Variants in PEPD observed in about 807,000 individuals in gnomAD.
PEPD encodes xaa-Pro dipeptidase.
Under a neutral mutation model 60.7 loss-of-function variants are expected in PEPD, and 53 were observed. That is an observed-to-expected ratio of 0.87 (90% CI 0.70 to 1.10). The LOEUF (loss-of-function observed/expected upper bound fraction) is 1.10, where lower values mean the gene tolerates loss of function less well. Ranked by LOEUF, PEPD falls within the 50% of genes least tolerant of loss-of-function variation. PEPD has a pLI of 0.00. For synonymous variants in PEPD, 267 were observed against 284.1 expected (o/e 0.94, Z 0.60); for missense variants, 711 against 711.9 (o/e 1.00, Z 0.01).
In PEPD at chr19:33,440,808, GTC is replaced by G. The variant is rs1969467494; in HGVS notation, c.671+22185_671+22186del. ...TCACAGATGGGATTCCTTCTGTTGTGTCTCCCCAGCTCCTAGAAGAGTGCCTG... is the reference window on the plus strand; with the variant it reads ...TCACAGATGGGATTCCTTCTGTTGTGTCCCCAGCTCCTAGAAGAGTGCCTG... On this transcript the variant is annotated intron_variant, in intron 9 of 14. Transcript: ENST00000244137. Among the ~76,000 whole-genome samples, 3 of 152,160 alleles carry G rather than the reference GTC, an allele frequency of 2.0e-5. No individual in the cohort carries two copies. In the South Asian group the frequency reaches 6.2e-4, roughly 32 times the overall value.
At chr19:33,469,616 C>T (rs902959323) in intron 7 of PEPD, among the ~76,000 whole-genome samples, 17 of 152,218 alleles carry the variant, frequency 1.1e-4, no homozygotes, top group Admixed American at 2.6e-4. Flanking sequence ...CAAGCTCACA[C>T]GCCCACCTGG....
At chr19:33,454,662 A>T (rs1203707821) in intron 9 of PEPD, among the ~76,000 whole-genome samples, 1 of 152,210 alleles carries the variant, frequency 6.6e-6, no homozygotes, top group Non-Finnish European at 1.5e-5. Flanking sequence ...AAGGTTGAAC[A>T]AATAAATAAA....
In PEPD at chr19:33,409,099, G is replaced by A. The variant is rs143093597; in HGVS notation, c.818+2573C>T. Among the ~76,000 whole-genome samples the A allele has an allele frequency of 2.4e-3, 366 of 152,342 alleles. 5 individuals are homozygous for A. The highest frequency in any genetic ancestry group is 7.9e-3 in the African/African-American group (328 of 41,580). ...AGATGCAGGTGCCATGTGCTGTCCC[G>A]GAGGGCCGAGGCCACAGCATCTGGG... On this transcript the variant is annotated intron_variant, in intron 11 of 14. Transcript: ENST00000244137.
intron 9 of PEPD, among the ~76,000 whole-genome samples, chr19:33,435,640 A>G (rs929406779): frequency 2.0e-5 from 3 of 152,200 alleles, no homozygotes; most frequent in South Asian, 2.1e-4. Flanking sequence ...CTGCGCTTGT[A>G]AAGTGGGAGT....
intron 9 of PEPD, among the ~76,000 whole-genome samples, chr19:33,432,067 A>C (rs1315088136): frequency 6.6e-6 from 1 of 151,540 alleles, no homozygotes. Flanking sequence ...GCTGAAGCTA[A>C]GAAGTCTTCC....
intron 11 of PEPD, among the ~76,000 whole-genome samples, chr19:33,405,392 C>T (rs751246166): frequency 6.6e-5 from 10 of 152,244 alleles, no homozygotes; most frequent in African/African-American, 2.2e-4. Context: ...AGTAGTGGCA[C>T]GGCTCTTAGC....
chr19:33,434,694 C>T (rs1453808359), intron 9 of PEPD, among the ~76,000 whole-genome samples: 1 of 152,148 alleles, frequency 6.6e-6, no homozygotes, highest in Non-Finnish European at 1.5e-5. Context: ...ACCCCATTTA[C>T]TGGGTGGGGA....
intron 9 of PEPD, among the ~76,000 whole-genome samples, chr19:33,417,272 G>A (rs1221624963): frequency 6.6e-6 from 1 of 152,246 alleles, no homozygotes; most frequent in East Asian, 1.9e-4. Flanking sequence ...TACTCAAGAG[G>A]TGGAGAGGGG....
chr19:33,469,593 T>C (rs1047932802), intron 7 of PEPD, among the ~76,000 whole-genome samples: 1 of 151,890 alleles, frequency 6.6e-6, no homozygotes, highest in Non-Finnish European at 1.5e-5. Flanking sequence ...TAAGGGAAGG[T>C]GCATCCTCTT....
intron 7 of PEPD, among the ~76,000 whole-genome samples, chr19:33,469,550 G>A (rs537687043): frequency 6.6e-6 from 1 of 152,176 alleles, no homozygotes; most frequent in South Asian, 2.1e-4. Context: ...CAAACTCCCA[G>A]GACTCCCCAT....
intron 12 of PEPD, among the ~76,000 whole-genome samples, chr19:33,398,915 G>A (rs115425322): frequency 0.014 from 2,205 of 152,218 alleles, 58 homozygotes; most frequent in African/African-American, 0.05. Flanking sequence ...ATACCCTCTG[G>A]CGCTCTTCTG....
chr19:33,497,283 T>C (rs966209127), intron 4 of PEPD, among the ~76,000 whole-genome samples: 1 of 152,226 alleles, frequency 6.6e-6, no homozygotes, highest in Non-Finnish European at 1.5e-5. Flanking sequence ...TGTAGCAGAC[T>C]TGGTGACCCT....
At chr19:33,395,031 T>A (rs1968328904) in intron 12 of PEPD, 1 of 152,198 alleles carries the variant, frequency 6.6e-6, no homozygotes, top group Admixed American at 6.5e-5. Flanking sequence ...CTTGGCCTGG[T>A]CTCCAGCCTC....
chr19:33,465,203 G>A (rs1399739697), intron 7 of PEPD, among the ~76,000 whole-genome samples: 2 of 152,140 alleles, frequency 1.3e-5, no homozygotes, highest in South Asian at 2.1e-4. Flanking sequence ...CAGACACCAC[G>A]TCATCCATAC....
intron 9 of PEPD, among the ~76,000 whole-genome samples, chr19:33,435,501 G>A (rs1163138701): frequency 6.6e-6 from 1 of 152,240 alleles, no homozygotes; most frequent in Admixed American, 6.5e-5. Flanking sequence ...CCAGACGAAG[G>A]ACAACTGGGG....
Position 33,500,959 on chromosome 19 carries a change from G to A in PEPD, c.372C>T (p.Asp124=), listed in dbSNP as rs371364077. The part of the protein sequence containing the change: ...KEHFKEKYAV[D]DVQYVDEIAS... The stretch of plus-strand genomic sequence containing the variant: ...CCACCTCATCTACGTACTGGACGTC[G>A]TCCACGGCATACTTCTCCTTGAAGT... The change falls in exon 4 of 15, where the codon GAC becomes GAT. Residue 124 remains aspartate, a synonymous_variant. Coordinates refer to ENST00000244137, the MANE Select transcript of PEPD (RefSeq NM_000285.4). The A allele has an allele frequency of 1.1e-5, 17 of 1,603,956 alleles. No homozygotes were observed. Among genetic ancestry groups the A allele is most frequent in the South Asian group, 8.8e-5 (8 of 90,852 alleles).
intron 6 of PEPD, among the ~76,000 whole-genome samples, chr19:33,479,992 C>G (rs1381084585): frequency 6.6e-6 from 1 of 152,194 alleles, no homozygotes; most frequent in Non-Finnish European, 1.5e-5. Context: ...GGAATTGCCA[C>G]GCTGTCTTCC....
intron 9 of PEPD, among the ~76,000 whole-genome samples, chr19:33,454,664 A>G (rs887235480): frequency 3.9e-5 from 6 of 152,186 alleles, no homozygotes; most frequent in Admixed American, 2.0e-4. Context: ...GGTTGAACAA[A>G]TAAATAAATG....
chr19:33,482,456 G>A (rs1389171019), intron 6 of PEPD, among the ~76,000 whole-genome samples: 1 of 152,184 alleles, frequency 6.6e-6, no homozygotes, highest in African/African-American at 2.4e-5. Flanking sequence ...TTGATAAAGA[G>A]CATCTACAAA....
Sources: allele counts gnomAD v4.1 joint callset (sites outside exome capture counted in the v4.1 genomes callset), GRCh38; gene constraint gnomAD v4.1.1; transcripts MANE v1.5; gene names NCBI Gene and HGNC (gene_info 2026-07-23, HGNC 2026-07-21).